Variants in MAP2 observed in about 807,000 individuals in gnomAD.
MAP2 encodes microtubule associated protein 2, also known as microtubule-associated protein 2.
MAP2 carries 14 observed loss-of-function variants against 137.6 expected under a neutral mutation model. That is an observed-to-expected ratio of 0.10 (90% CI 0.07 to 0.16). The LOEUF is 0.16. Among genes scored for constraint, MAP2 ranks in the 10% least tolerant of loss-of-function variants. The probability of loss-of-function intolerance (pLI) is 1.00; values close to 1 mark genes in which losing one functional copy is unlikely to be tolerated. For synonymous variants in MAP2, 786 were observed against 782.3 expected (o/e 1.00, Z -0.08); for missense variants, 2,088 against 2,191.5 (o/e 0.95, Z 0.94).
At chr2:209,494,544 C>T (rs557229140) in intron 1 of MAP2, among the ~76,000 whole-genome samples, 60 of 152,068 alleles carry the variant, frequency 3.9e-4, no homozygotes, top group Non-Finnish European at 6.5e-4. Flanking sequence ...TTTACAAATC[C>T]CATGGCAATA....
chr2:209,544,447 A>G (rs1449046110), intron 2 of MAP2, among the ~76,000 whole-genome samples: 2 of 152,290 alleles, frequency 1.3e-5, no homozygotes, highest in East Asian at 3.9e-4. Flanking sequence ...ATTTTATTAT[A>G]TGAGCTTAAG....
At position 209,651,853 on chromosome 2, in the gene MAP2, A is replaced by C. The variant is rs544099034; in HGVS notation, c.-29-1289A>C. On this transcript the variant is annotated intron_variant, in intron 4 of 15. Transcript: ENST00000682079. ...GATAGCAACAAAATTCAGTTAAAAAACCCCCAGACAAATGCTTGTTAGTAA... is the reference window on the plus strand; with the variant it reads ...GATAGCAACAAAATTCAGTTAAAAACCCCCCAGACAAATGCTTGTTAGTAA... 2.6e-5 allele frequency among the ~76,000 whole-genome samples: 4 copies of C among 151,946 alleles called. No homozygotes were observed. The East Asian group carries it at 7.7e-4, about 29-fold the overall frequency.
chr2:209,600,261 T>C (rs796367027), intron 3 of MAP2, among the ~76,000 whole-genome samples: 11 of 152,234 alleles, frequency 7.2e-5, no homozygotes, highest in African/African-American at 2.2e-4. Flanking sequence ...TTATCCAAAG[T>C]CACCAGAAAG....
chr2:209,542,797 C>T (rs558658291), intron 2 of MAP2, among the ~76,000 whole-genome samples: 5 of 152,196 alleles, frequency 3.3e-5, no homozygotes, highest in Non-Finnish European at 7.3e-5. Flanking sequence ...AGAGCTAGGG[C>T]CTTTCTCTGG....
In MAP2 at chr2:209,705,641, C is replaced by T; in HGVS notation, c.4646C>T (p.Pro1549Leu). 1.2e-6 allele frequency: 2 copies of T among 1,613,312 alleles called. No individual in the cohort carries two copies. The highest frequency in any genetic ancestry group is 1.7e-6 in the Non-Finnish European group (2 of 1,179,456). ...SSLPRPSSILPPRRGVSGDRD... is the reference protein window; with the variant it reads ...SSLPRPSSILLPRRGVSGDRD... Reference sequence around the variant, plus strand: ...CTCCCAAGACCTTCCTCCATTCTCCCTCCTCGGCGAGGTGTGTCAGGAGAC... The same window carrying T: ...CTCCCAAGACCTTCCTCCATTCTCCTTCCTCGGCGAGGTGTGTCAGGAGAC... The change falls in exon 12 of 16, where the codon CCT becomes CTT. Residue 1549 changes from proline to leucine, a missense_variant. Transcript: ENST00000682079.
chr2:209,660,546 C>G (rs1021473491), intron 5 of MAP2, among the ~76,000 whole-genome samples: 1 of 148,044 alleles, frequency 6.8e-6, no homozygotes, highest in Non-Finnish European at 1.5e-5. Flanking sequence ...GCGCCCGCCA[C>G]CAAGCCCGGC....
At chr2:209,500,581 G>C (rs1430728962) in intron 1 of MAP2, among the ~76,000 whole-genome samples, 1 of 151,860 alleles carries the variant, frequency 6.6e-6, no homozygotes, top group East Asian at 1.9e-4. Context: ...GTATTTCCTT[G>C]TGACAATAGG....
At chr2:209,683,266 A>G (rs2055548607) in intron 7 of MAP2, among the ~76,000 whole-genome samples, 1 of 152,216 alleles carries the variant, frequency 6.6e-6, no homozygotes, top group African/African-American at 2.4e-5. Flanking sequence ...CAAGGAAAAT[A>G]CCACCTAACC....
chr2:209,605,803 T>A (rs1220486543), intron 3 of MAP2, among the ~76,000 whole-genome samples: 1 of 152,226 alleles, frequency 6.6e-6, no homozygotes, highest in South Asian at 2.1e-4. Flanking sequence ...CAGATCTTCA[T>A]GTTCTCATGA....
intron 2 of MAP2, among the ~76,000 whole-genome samples, chr2:209,522,053 A>G (rs547078658): frequency 6.6e-6 from 1 of 152,260 alleles, no homozygotes; most frequent in African/African-American, 2.4e-5. Context: ...AAGAAGCATC[A>G]AAGACCTGTG....
At chr2:209,452,153 G>T (rs1163089814) in intron 1 of MAP2, among the ~76,000 whole-genome samples, 1 of 152,140 alleles carries the variant, frequency 6.6e-6, no homozygotes, top group Non-Finnish European at 1.5e-5. Flanking sequence ...TTTCTTTGAG[G>T]TTAGGAGTGT....
chr2:209,691,660 G>A lies in MAP2; in HGVS notation c.455-965G>A, dbSNP rs927290106. Among the ~76,000 whole-genome samples, 3 of 152,160 alleles carry A rather than the reference G, an allele frequency of 2.0e-5. No individual in the cohort carries two copies. In the South Asian group the frequency reaches 6.2e-4, roughly 32 times the overall value. ...GTGGGACAATAAAGCCTTTTGGATT[G>A]TTGAATAAATAAAAGTAAAAATGTG... On this transcript the variant is annotated intron_variant, in intron 7 of 15. Coordinates refer to ENST00000682079, the MANE Select transcript of MAP2 (RefSeq NM_001375505.1).
chr2:209,535,772 A>G (rs576252526), intron 2 of MAP2, among the ~76,000 whole-genome samples: 1 of 152,236 alleles, frequency 6.6e-6, no homozygotes, highest in African/African-American at 2.4e-5. Context: ...GTTACACCAA[A>G]TTAAATATAA....
chr2:209,723,660 C>A, intron 13 of MAP2: 1 of 1,613,966 alleles, frequency 6.2e-7, no homozygotes, highest in South Asian at 1.1e-5. Context: ...CCAAGGATAA[C>A]ATCAAACATT....
At chr2:209,544,872 T>C (rs1025160626) in intron 2 of MAP2, among the ~76,000 whole-genome samples, 1 of 152,214 alleles carries the variant, frequency 6.6e-6, no homozygotes, top group Non-Finnish European at 1.5e-5. Flanking sequence ...CAGCAAGTAC[T>C]TGATTACTCT....
intron 3 of MAP2, among the ~76,000 whole-genome samples, chr2:209,593,619 C>CAA (rs781329429): frequency 0.015 from 45 of 2,922 alleles, 8 homozygotes; most frequent in East Asian, 0.05. Flanking sequence ...CCTGTCTCTA[C>CAA]AAAAAAAAAA....
intron 2 of MAP2, among the ~76,000 whole-genome samples, chr2:209,576,307 G>T (rs560175405): frequency 3.3e-5 from 5 of 152,152 alleles, no homozygotes; most frequent in Non-Finnish European, 7.4e-5. Flanking sequence ...GCAGTGGTGC[G>T]ATCTCGGCTC....
At position 209,437,598 on chromosome 2, in the gene MAP2, ATTGT is replaced by A. The variant is rs1438173039; in HGVS notation, c.-222+13326_-222+13329del. ...ACTGTCCTATTAAATCAATAGTGAG[ATTGT>A]TTGACTCTTCCAGAAATGACACGAT... is the stretch of plus-strand genomic sequence containing the variant. On this transcript the variant is annotated intron_variant, in intron 1 of 15. Coordinates refer to ENST00000682079, the MANE Select transcript of MAP2 (RefSeq NM_001375505.1). Among the ~76,000 whole-genome samples the A allele has an allele frequency of 3.3e-5, 5 of 151,690 alleles. No individual in the cohort carries two copies. In the South Asian group the frequency reaches 8.3e-4, roughly 25 times the overall value.
intron 1 of MAP2, among the ~76,000 whole-genome samples, chr2:209,435,430 G>T (rs1035163352): frequency 6.6e-6 from 1 of 151,668 alleles, no homozygotes; most frequent in Non-Finnish European, 1.5e-5. Flanking sequence ...AGGCACTGAG[G>T]ACAATAGCAA....
Sources: gnomAD v4.1 joint callset for allele counts (sites outside exome capture counted in the v4.1 genomes callset) on GRCh38, gnomAD v4.1.1 for gene constraint, MANE v1.5 for transcripts, NCBI Gene and HGNC (gene_info 2026-07-23, HGNC 2026-07-21) for gene names.